The following CCDC32 variants were observed in gnomAD, a reference collection of about 807,000 sequenced individuals.
The protein encoded by CCDC32 is coiled-coil domain-containing protein 32.
A neutral mutation model predicts 20.1 loss-of-function variants in CCDC32; 9 were observed. That is an observed-to-expected ratio of 0.45 (90% CI 0.27 to 0.78). CCDC32 has a LOEUF of 0.78. Among genes scored for constraint, CCDC32 ranks in the 30% least tolerant of loss-of-function variants. CCDC32 has a pLI of 0.16. For missense variants in CCDC32, 204 were observed against 215.5 expected, an observed-to-expected ratio of 0.95 and a Z score of 0.33; for synonymous variants, 63 against 79.0, an observed-to-expected ratio of 0.80 and a Z score of 1.07.
chr15:40,563,076 C>G (rs767482505), intron 1 of CCDC32, 49 bp from the exon 2 acceptor site: 1 of 1,581,422 alleles, frequency 6.3e-7, no homozygotes, highest in East Asian at 2.2e-5. Context: ...AAGAATACAG[C>G]ATAAGGTTGA....
downstream of CCDC32, among the ~76,000 whole-genome samples, chr15:40,524,346 C>T (rs186452530): frequency 1.5e-3 from 224 of 151,522 alleles, 3 homozygotes; most frequent in South Asian, 7.1e-3. Flanking sequence ...TTAGTAGAGA[C>T]GGGGTTTCAC....
chr15:40,543,224 T>TA (rs1889474589), intron 3 of CCDC32, among the ~76,000 whole-genome samples: 1 of 152,064 alleles, frequency 6.6e-6, no homozygotes, highest in African/African-American at 2.4e-5. Context: ...TAAAGATGCT[T>TA]ATCTAACCTC....
In CCDC32 at chr15:40,554,125, G is replaced by T; in HGVS notation, c.404C>A (p.Thr135Asn). 6.2e-7 allele frequency: 1 copy of T among 1,612,746 alleles called. No individual in the cohort carries two copies. Among genetic ancestry groups the T allele is most frequent in the Non-Finnish European group, 8.5e-7 (1 of 1,179,024 alleles). The change falls in exon 4 of 4, where the codon ACC becomes AAC. Residue 135 changes from threonine to asparagine, a missense_variant and splice_region_variant. Coordinates refer to ENST00000416810, the MANE Select transcript of CCDC32 (RefSeq NM_001080792.4). ...GAGCCACCTCTTGAAATGTTCCAAG[G>T]TGCTATGAAAGGGCAGAATAAAAGG... is the stretch of plus-strand genomic sequence containing the variant. The part of the protein sequence containing the change: ...FVDGLDSDES[T>N]LEHFKRWLQP...
exon 4 of CCDC32, chr15:40,528,744 A>G: frequency 1.4e-6 from 1 of 701,686 alleles, no homozygotes; most frequent in East Asian, 2.7e-5. Context: ...CCGTCCTCCT[A>G]GCTGGCCTGC....
Position 40,553,672 on chromosome 15 carries a change from A to G in CCDC32, c.*299T>C, listed in dbSNP as rs781728250. 44 of 1,168,016 alleles carry G rather than the reference A, an allele frequency of 3.8e-5. No individual in the cohort carries two copies. The highest frequency in any genetic ancestry group is 4.5e-5 in the Non-Finnish European group (43 of 948,618). The allele number at this position is 1,168,016 out of a possible 1,614,324, so 72.4% of individuals were successfully genotyped here. A position where few individuals can be genotyped will look rare whatever the true frequency, so the allele number is the denominator to read the frequency against. ...TAGCAGACTTCTAACCTGCAGAGAC[A>G]GAGCTCAGCCAAGCTGTGAGACACA... On this transcript the variant is annotated 3_prime_UTR_variant, in exon 4 of 4. Transcript: ENST00000416810.
intron 3 of CCDC32, among the ~76,000 whole-genome samples, chr15:40,556,190 C>T (rs558167425): frequency 1.3e-5 from 2 of 152,220 alleles, no homozygotes; most frequent in Non-Finnish European, 1.5e-5. Flanking sequence ...AGCATGCCCT[C>T]TCTATCTTTC....
Position 40,529,865 on chromosome 15 carries a change from G to A in CCDC32, c.402-1075C>T, listed in dbSNP as rs573845367. ...TTTAGTAGAGACGGGGTTTCAGTGT[G>A]TTAGCCAGGATGGTCTCGATCTCCT... On this transcript the variant is annotated intron_variant, in intron 3 of 3. Coordinates refer to the CCDC32 transcript ENST00000560305. Among the ~76,000 whole-genome samples the A allele has an allele frequency of 5.3e-5, 8 of 151,206 alleles. No homozygotes were observed. The South Asian group carries it at 1.7e-3, about 32-fold the overall frequency.
chr15:40,528,175 C>T (rs535126306), downstream of CCDC32, among the ~76,000 whole-genome samples: 4 of 152,328 alleles, frequency 2.6e-5, no homozygotes, highest in Admixed American at 6.5e-5. Flanking sequence ...GGGGAAGATT[C>T]GGATTTGGCT....
At chr15:40,545,661 G>T (rs1190156286) in intron 3 of CCDC32, among the ~76,000 whole-genome samples, 1 of 152,100 alleles carries the variant, frequency 6.6e-6, no homozygotes, top group Non-Finnish European at 1.5e-5. Context: ...TGTAGGAGGT[G>T]GTGTGGGGTA....
At chr15:40,534,426 G>A, downstream of CCDC32, 1 of 157,160 alleles carries the variant, frequency 6.4e-6, no homozygotes. Flanking sequence ...GGCAGAAGGG[G>A]AAGCAAATAT....
At chr15:40,543,993 G>A (rs1196778424) in intron 3 of CCDC32, among the ~76,000 whole-genome samples, 2 of 152,078 alleles carry the variant, frequency 1.3e-5, no homozygotes, top group Non-Finnish European at 2.9e-5. Flanking sequence ...TGACTCCATT[G>A]AACTGTTAAG....
chr15:40,558,306 C>A (rs1890386734), intron 2 of CCDC32, among the ~76,000 whole-genome samples: 1 of 152,080 alleles, frequency 6.6e-6, no homozygotes, highest in Admixed American at 6.6e-5. Context: ...AAAACAAATA[C>A]CTTTTGTTCC....
chr15:40,527,011 T>G (rs547167748), downstream of CCDC32, among the ~76,000 whole-genome samples: 6 of 152,320 alleles, frequency 3.9e-5, no homozygotes, highest in South Asian at 1.2e-3. Context: ...AGTACAGTTA[T>G]GTGATCTCAG....
chr15:40,523,610 T>C, the CCDC32 span, among the ~76,000 whole-genome samples: 1 of 152,116 alleles, frequency 6.6e-6, no homozygotes, highest in African/African-American at 2.4e-5. Context: ...TCAGTAAAAT[T>C]GTGTTGAACA....
At chr15:40,523,706 C>G (rs1218097682), downstream of CCDC32, among the ~76,000 whole-genome samples, 3 of 151,978 alleles carry the variant, frequency 2.0e-5, no homozygotes, top group South Asian at 4.1e-4. Flanking sequence ...TGAAAATATG[C>G]TCAATATCAA....
intron 3 of CCDC32, chr15:40,539,368 G>A: frequency 1.3e-6 from 2 of 1,529,764 alleles, no homozygotes; most frequent in Non-Finnish European, 1.8e-6. Flanking sequence ...ATGGGAATAA[G>A]ACAGACCGAC....
downstream of CCDC32, among the ~76,000 whole-genome samples, chr15:40,525,666 C>T (rs767061452): frequency 7.9e-5 from 12 of 152,220 alleles, no homozygotes; most frequent in Non-Finnish European, 1.8e-4. Context: ...CCCTGGCAGG[C>T]CACTGGGACC....
At chr15:40,533,406 G>A (rs573518540), downstream of CCDC32, among the ~76,000 whole-genome samples, 30 of 152,202 alleles carry the variant, frequency 2.0e-4, 1 homozygote, top group African/African-American at 7.2e-4. Context: ...CTGGAGTGCA[G>A]TGGCGTGATC....
downstream of CCDC32, among the ~76,000 whole-genome samples, chr15:40,524,297 T>G (rs572097182): frequency 6.6e-6 from 1 of 151,288 alleles, no homozygotes; most frequent in African/African-American, 2.4e-5. Context: ...GCTGGGACTA[T>G]AGGCACCCGC....
Sources: gnomAD v4.1 joint callset for allele counts (sites outside exome capture counted in the v4.1 genomes callset) on GRCh38, gnomAD v4.1.1 for gene constraint, MANE v1.5 for transcripts, NCBI Gene and HGNC (gene_info 2026-07-23, HGNC 2026-07-21) for gene names.